Variants in HELZ observed in about 807,000 individuals in gnomAD.
HELZ encodes the protein ATP-dependent RNA helicase with zinc finger domain.
In HELZ, 23 loss-of-function variants were observed where a neutral mutation model predicts 218.2. That is an observed-to-expected ratio of 0.11 (90% confidence interval 0.08 to 0.15). HELZ has a LOEUF of 0.15. Ranked by LOEUF, HELZ falls within the 10% of genes least tolerant of loss-of-function variation. The pLI is 1.00. For missense variants in HELZ, 1,813 were observed against 2,353.7 expected (o/e 0.77, Z 4.75); for synonymous variants, 814 against 829.4 (o/e 0.98, Z 0.32).
rs1419819342 is a variant in HELZ at position 67,075,089 on chromosome 17, T to C, written c.*3163A>G. On this transcript the variant is annotated 3_prime_UTR_variant, in exon 33 of 33. Coordinates refer to ENST00000358691, the MANE Select transcript of HELZ (RefSeq NM_014877.4). ...TTAAAGACACACAAGAAAATATCCA[T>C]GTTACACGGAATGAGGTTCTTCAAA... 1 of 152,154 alleles carries C rather than the reference T, an allele frequency of 6.6e-6. No individual in the cohort carries two copies. The highest frequency in any genetic ancestry group is 1.9e-4 in the East Asian group (1 of 5,198). 9.4% of individuals were successfully genotyped at this position (152,154 alleles called of 1,614,324 possible). A position where few individuals can be genotyped will look rare whatever the true frequency, so the allele number is the denominator to read the frequency against.
chr17:67,124,925 TTGAGGAA>T, intron 24 of HELZ, among the ~76,000 whole-genome samples: 1 of 152,112 alleles, frequency 6.6e-6, no homozygotes, highest in East Asian at 1.9e-4. Flanking sequence ...ATCAAGCCAA[TTGAGGAA>T]AAGTAGCACA....
At chr17:67,151,343 T>C (rs1192885799) in intron 17 of HELZ, 119 bp from the exon 18 acceptor site, 1 of 800,382 alleles carries the variant, frequency 1.2e-6, no homozygotes, top group Non-Finnish European at 2.0e-6. Context: ...CAAATGAATC[T>C]GGTAACCGTT....
rs7211087 is a variant in HELZ, at chr17:67,086,631, A to T, written c.5494+198T>A. ...ATATATATAAATAAATATAAATATA[A>T]ATATATATATATATATATATATATA... On this transcript the variant is annotated intron_variant, in intron 32 of 32. Coordinates refer to ENST00000358691, the MANE Select transcript of HELZ (RefSeq NM_014877.4). Among the ~76,000 whole-genome samples the T allele has an allele frequency of 2.8e-3, 265 of 93,224 alleles. 1 individual carries two copies. Among genetic ancestry groups the T allele is most frequent in the African/African-American group, 0.01 (211 of 20,750 alleles). 61.2% of individuals were successfully genotyped at this position (93,224 alleles called of 152,430 possible). A position where few individuals can be genotyped will look rare whatever the true frequency, so the allele number is the denominator to read the frequency against.
Position 67,074,717 on chromosome 17 carries a change from T to A in HELZ, c.*3535A>T, listed in dbSNP as rs1414301974. On this transcript the variant is annotated 3_prime_UTR_variant, in exon 33 of 33. Coordinates refer to ENST00000358691, the MANE Select transcript of HELZ (RefSeq NM_014877.4). ...AAAAAAGGAGAGTATTTTCATAAAT[T>A]GGTCTTAGATGTTGCTATGTTTAAT... 1 of 152,126 alleles carries A rather than the reference T, an allele frequency of 6.6e-6. No homozygotes were observed. Among genetic ancestry groups the A allele is most frequent in the Non-Finnish European group, 1.5e-5 (1 of 67,996 alleles). 9.4% of individuals were successfully genotyped at this position (152,126 alleles called of 1,614,324 possible). A position where few individuals can be genotyped will look rare whatever the true frequency, so the allele number is the denominator to read the frequency against.
intron 9 of HELZ, 72 bp from the exon 10 acceptor site, chr17:67,190,427 G>T: frequency 2.6e-6 from 3 of 1,157,652 alleles, no homozygotes; most frequent in South Asian, 2.6e-5. Context: ...CCCAGCATTT[G>T]CCCTCTGATT....
At chr17:67,190,135 T>C (rs914515036) in intron 10 of HELZ, 22 bp downstream of exon 10, 2 of 1,598,876 alleles carry the variant, frequency 1.3e-6, no homozygotes, top group African/African-American at 1.3e-5. Flanking sequence ...AAACAAAAAA[T>C]AATGTAGCTT....
intron 5 of HELZ, among the ~76,000 whole-genome samples, chr17:67,205,865 C>T (rs929964981): frequency 2.4e-4 from 36 of 152,176 alleles, no homozygotes; most frequent in African/African-American, 8.7e-4. Context: ...AGACAAGAAG[C>T]AGTACTGACA....
chr17:67,182,944 G>A (rs542567616), intron 12 of HELZ, among the ~76,000 whole-genome samples: 25 of 152,270 alleles, frequency 1.6e-4, no homozygotes, highest in South Asian at 6.2e-4. Context: ...GAAAATAAGC[G>A]GTGGGGAAAT....
chr17:67,086,315 C>T (rs756693817), intron 32 of HELZ, among the ~76,000 whole-genome samples: 2 of 151,898 alleles, frequency 1.3e-5, no homozygotes, highest in African/African-American at 2.4e-5. Flanking sequence ...TGGCCAGGTG[C>T]GGTGGCTCAC....
chr17:67,239,563 A>T (rs2041269395), intron 2 of HELZ, 74 bp from the exon 3 acceptor site: 1 of 152,210 alleles, frequency 6.6e-6, no homozygotes, highest in Non-Finnish European at 1.5e-5. Context: ...GTTCCAAAGC[A>T]TTTGTATCCA....
At chr17:67,238,580 G>T (rs879349799) in intron 3 of HELZ, among the ~76,000 whole-genome samples, 5 of 151,850 alleles carry the variant, frequency 3.3e-5, no homozygotes, top group Admixed American at 3.3e-4. Context: ...TACTCAGGAG[G>T]CTGAGGCAGG....
chr17:67,113,797 G>T (rs1209146647), intron 28 of HELZ, among the ~76,000 whole-genome samples: 1 of 152,208 alleles, frequency 6.6e-6, no homozygotes, highest in Admixed American at 6.5e-5. Flanking sequence ...AAATGCAGGG[G>T]AGCCCTGATG....
chr17:67,083,182 A>G (rs2036252838), intron 32 of HELZ, among the ~76,000 whole-genome samples: 1 of 152,106 alleles, frequency 6.6e-6, no homozygotes, highest in Non-Finnish European at 1.5e-5. Flanking sequence ...TTAATTAAAT[A>G]AATACTTAGA....
At chr17:67,088,957 T>G (rs2036474623) in intron 31 of HELZ, among the ~76,000 whole-genome samples, 1 of 152,228 alleles carries the variant, frequency 6.6e-6, no homozygotes, top group Non-Finnish European at 1.5e-5. Context: ...CTGACAACCC[T>G]GGATCACAAT....
intron 31 of HELZ, among the ~76,000 whole-genome samples, chr17:67,089,666 T>TAGAGAG (rs1204609061): frequency 4.4e-4 from 24 of 54,818 alleles, no homozygotes; most frequent in African/African-American, 1.3e-3. Context: ...TATATATATA[T>TAGAGAG]ATAGAGAGAG....
At chr17:67,186,665 T>G (rs1294267213) in intron 12 of HELZ, among the ~76,000 whole-genome samples, 1 of 152,186 alleles carries the variant, frequency 6.6e-6, no homozygotes, top group Non-Finnish European at 1.5e-5. Context: ...TTTTACTAAC[T>G]AATAAGAATT....
intron 6 of HELZ, among the ~76,000 whole-genome samples, chr17:67,201,799 T>C (rs1247839343): frequency 6.6e-6 from 1 of 152,200 alleles, no homozygotes; most frequent in Non-Finnish European, 1.5e-5. Context: ...AGAAGAGATA[T>C]ATTCCTTTAT....
intron 28 of HELZ, among the ~76,000 whole-genome samples, 183 bp from the exon 29 acceptor site, chr17:67,109,869 A>G (rs1031648947): frequency 1.3e-5 from 2 of 152,178 alleles, no homozygotes; most frequent in Non-Finnish European, 1.5e-5. Flanking sequence ...TAATTTAAAA[A>G]GATGACAGAA....
At chr17:67,185,840 T>G (rs925264178) in intron 12 of HELZ, among the ~76,000 whole-genome samples, 3 of 152,014 alleles carry the variant, frequency 2.0e-5, no homozygotes, top group Non-Finnish European at 2.9e-5. Context: ...AAGAAGTCAC[T>G]AAAAAAAGGA....
Sources: gnomAD v4.1 joint callset for allele counts (sites outside exome capture counted in the v4.1 genomes callset) on GRCh38, gnomAD v4.1.1 for gene constraint, MANE v1.5 for transcripts, NCBI Gene and HGNC (gene_info 2026-07-23, HGNC 2026-07-21) for gene names.